The following ZNF496 variants were observed in gnomAD, a reference collection of about 807,000 sequenced individuals.
The protein encoded by ZNF496 is NSD1 (nuclear receptor binding SET-domain containing 1)-interacting zinc finger protein 1.
In ZNF496, 11 loss-of-function variants were observed where a neutral mutation model predicts 58.9. That is an observed-to-expected ratio of 0.19 (90% CI 0.12 to 0.31). ZNF496 has a LOEUF of 0.31. Among genes scored for constraint, ZNF496 ranks in the 10% least tolerant of loss-of-function variants. The pLI is 1.00. For missense variants in ZNF496, 660 were observed against 783.0 expected, an observed-to-expected ratio of 0.84 and a Z score of 1.88; for synonymous variants, 338 against 318.2, an observed-to-expected ratio of 1.06 and a Z score of -0.66.
chr1:247,330,353 T>C (rs914936068), intron 2 of ZNF496, among the ~76,000 whole-genome samples: 1 of 152,130 alleles, frequency 6.6e-6, no homozygotes, highest in Non-Finnish European at 1.5e-5. Context: ...ACCTTCAACC[T>C]CGCCTCCACC....
rs1659196509 is a variant in ZNF496, at chr1:247,300,266, C to T, written c.*253G>A. The T allele has an allele frequency of 1.2e-5, 5 of 405,286 alleles. No homozygotes were observed. The highest frequency in any genetic ancestry group is 2.2e-5 in the Non-Finnish European group (5 of 227,304). The allele number at this position is 405,286 out of a possible 1,614,324, so 25.1% of individuals were successfully genotyped here. Reference sequence around the variant, plus strand: ...TAAGACGCAGAACACCTGGCATGTCCAACCTGGTGATGGCACATCCCCCCC... The same window carrying T: ...TAAGACGCAGAACACCTGGCATGTCTAACCTGGTGATGGCACATCCCCCCC... On this transcript the variant is annotated 3_prime_UTR_variant, in exon 10 of 10. Transcript: ENST00000682384. The surrounding 1 kb of genome is among the most constrained non-coding windows in gnomAD (Gnocchi z 5.7).
chr1:247,310,042 C>A (rs1328960453), intron 7 of ZNF496: 3 of 1,427,716 alleles, frequency 2.1e-6, no homozygotes, highest in Non-Finnish European at 2.7e-6. Flanking sequence ...CATAAAGGGA[C>A]AAAACGGTAA....
rs187881433 is a variant in ZNF496, at chr1:247,309,198, C to A, written c.892+501G>T. 3.1e-3 allele frequency: 551 copies of A among 180,388 alleles called. 6 individuals carry two copies. Among genetic ancestry groups the A allele is most frequent in the Non-Finnish European group, 2.1e-3 (189 of 89,356 alleles). 11.2% of individuals were successfully genotyped at this position (180,388 alleles called of 1,614,324 possible). A position where few individuals can be genotyped will look rare whatever the true frequency, so the allele number is the denominator to read the frequency against. On this transcript the variant is annotated intron_variant, in intron 8 of 9. Coordinates refer to ENST00000682384, the MANE Select transcript of ZNF496 (RefSeq NM_032752.3). The surrounding 1 kb of genome is among the most constrained non-coding windows in gnomAD (Gnocchi z 4.3). ...AGATCATGGGTGCAAGTGCTGGCGA[C>A]ACAGCCTGAAGGAGGGCTGGAAACT...
Position 247,323,226 on chromosome 1 carries a change from C to A in ZNF496, c.579G>T (p.Leu193=). 6.2e-7 allele frequency: 1 copy of A among 1,613,770 alleles called. No individual in the cohort carries two copies. ...PPSQLSGDPV[L]QDAFLLQEEN... ...CTTCCTGAAGAAGGAAAGCATCTTG[C>A]AGAACTGAAAGAGATCAGAAAATGG... The change falls in exon 6 of 10, where the codon CTG becomes CTT. Residue 193 remains leucine, a synonymous_variant. Transcript: ENST00000682384.
At position 247,301,269 on chromosome 1, in the gene ZNF496, G is replaced by A; in HGVS notation, c.1014C>T (p.Gly338=). The A allele has an allele frequency of 1.3e-6, 2 of 1,510,772 alleles. No homozygotes were observed. The highest frequency in any genetic ancestry group is 8.8e-7 in the Non-Finnish European group (1 of 1,132,858). 93.6% of individuals were successfully genotyped at this position (1,510,772 alleles called of 1,614,324 possible). A position where few individuals can be genotyped will look rare whatever the true frequency, so the allele number is the denominator to read the frequency against. Reference sequence around the variant, plus strand: ...GGCTGTTCTCTAGAGATCGCGGGTTGCCGCCAGCTACAGGAAGGCAACATG... The same window carrying A: ...GGCTGTTCTCTAGAGATCGCGGGTTACCGCCAGCTACAGGAAGGCAACATG... ...VVPQNTYPAG[G]NPRSLENSLD... is the part of the protein sequence containing the mutation. The change falls in exon 10 of 10, where the codon GGC becomes GGT. Residue 338 remains glycine (G), a synonymous_variant. Transcript: ENST00000682384.
At chr1:247,321,031 C>T (rs1199302459) in intron 6 of ZNF496, among the ~76,000 whole-genome samples, 1 of 152,112 alleles carries the variant, frequency 6.6e-6, no homozygotes, top group African/African-American at 2.4e-5. Context: ...CAAAAATTAG[C>T]CAAGCGTGGT....
intron 2 of ZNF496, among the ~76,000 whole-genome samples, chr1:247,331,117 G>A (rs564672302): frequency 6.6e-6 from 1 of 152,048 alleles, no homozygotes; most frequent in Non-Finnish European, 1.5e-5. Flanking sequence ...CCGCCCCCCC[G>A]AGCACCGGCG....
At chr1:247,304,134 T>TC (rs147253178) in intron 9 of ZNF496, 108 of 383,812 alleles carry the variant, frequency 2.8e-4, no homozygotes, top group African/African-American at 2.2e-3. Flanking sequence ...GATAGATCTA[T>TC]CTGGCTATGA....
chr1:247,328,244 C>T (rs1470938180), intron 5 of ZNF496, among the ~76,000 whole-genome samples: 3 of 152,178 alleles, frequency 2.0e-5, no homozygotes, highest in Non-Finnish European at 2.9e-5. Flanking sequence ...TACATCTCTT[C>T]GCAGCATCAC....
At position 247,298,265 on chromosome 1, in the gene ZNF496, T is replaced by G. The variant is rs192927022; in HGVS notation, c.*2254A>C. The G allele has an allele frequency of 6.6e-6, 1 of 152,120 alleles. No homozygotes were observed. The highest frequency in any genetic ancestry group is 2.1e-4 in the South Asian group (1 of 4,820). 9.4% of individuals were successfully genotyped at this position (152,120 alleles called of 1,614,324 possible). ...CATTTACTGCTCCTGGGCATGCAGA[T>G]GCATCTACACAGAAACAGCAGTTGT... On this transcript the variant is annotated 3_prime_UTR_variant, in exon 10 of 10. Transcript: ENST00000682384.
In ZNF496 at chr1:247,297,640, TCTCCTGGGTGCAGC is replaced by T. The variant is rs1384458624; in HGVS notation, c.*2865_*2878del. 2.0e-5 allele frequency: 3 copies of T among 152,164 alleles called. No individual in the cohort carries two copies. The highest frequency in any genetic ancestry group is 2.9e-5 in the Non-Finnish European group (2 of 68,082). 9.4% of individuals were successfully genotyped at this position (152,164 alleles called of 1,614,324 possible). On this transcript the variant is annotated 3_prime_UTR_variant, in exon 10 of 10. Transcript: ENST00000682384. ...TCAGTGGCCAAAAGGGAGACAAAGA[TCTCCTGGGTGCAGC>T]CTCCTCCACCACTGTGGTGAAGGGT... is the stretch of plus-strand genomic sequence containing the variant.
At position 247,300,748 on chromosome 1, in the gene ZNF496, G is replaced by A. The variant is rs150513765; in HGVS notation, c.1535C>T (p.Pro512Leu). Residue 512 changes from proline (P) to leucine (L), a missense_variant, in exon 10 of 10, where the codon CCG (proline) becomes CTG (leucine). Transcript: ENST00000682384. The surrounding 1 kb of genome is among the most constrained non-coding windows in gnomAD (Gnocchi z 5.7). ...CAGTTTGGCCTTGCCGTTTTCCAGC[G>A]GCTCTTTGGGACCCTTGTCCGCGTC... ...SEDADKGPKE[P>L]LENGKAKLSF... The A allele has an allele frequency of 1.0e-4, 168 of 1,610,950 alleles. No homozygotes were observed. Among genetic ancestry groups the A allele is most frequent in the Non-Finnish European group, 1.3e-4 (157 of 1,177,762 alleles).
intron 6 of ZNF496, among the ~76,000 whole-genome samples, chr1:247,317,274 C>G (rs1659811408): frequency 6.6e-6 from 1 of 152,098 alleles, no homozygotes; most frequent in Admixed American, 6.5e-5. Flanking sequence ...TGACTTGAAG[C>G]CGAAGGAGCC....
At chr1:247,301,783 C>T (rs1463625665) in intron 9 of ZNF496, among the ~76,000 whole-genome samples, 7 of 152,198 alleles carry the variant, frequency 4.6e-5, no homozygotes, top group Non-Finnish European at 8.8e-5. Context: ...TTCCTATTTG[C>T]TCCTGGACGC....
At chr1:247,302,753 C>G (rs183612401) in intron 9 of ZNF496, among the ~76,000 whole-genome samples, 1 of 152,284 alleles carries the variant, frequency 6.6e-6, no homozygotes, top group East Asian at 1.9e-4. Context: ...GTGAGAATGA[C>G]AGTGGCAGCC....
At chr1:247,318,083 A>G (rs929468357) in intron 6 of ZNF496, among the ~76,000 whole-genome samples, 10 of 152,260 alleles carry the variant, frequency 6.6e-5, no homozygotes, top group African/African-American at 2.4e-4. Flanking sequence ...ACAAACCACA[A>G]TATGAAATAA....
chr1:247,328,650 ATCAC>A (rs771921373), intron 5 of ZNF496, 29 bp downstream of exon 5: 2 of 1,517,974 alleles, frequency 1.3e-6, no homozygotes, highest in Non-Finnish European at 1.8e-6. Flanking sequence ...ACTTCCCCAG[ATCAC>A]CCCTGCTACA....
At chr1:247,314,070 T>G (rs1659696824) in intron 6 of ZNF496, among the ~76,000 whole-genome samples, 1 of 152,174 alleles carries the variant, frequency 6.6e-6, no homozygotes, top group Non-Finnish European at 1.5e-5. Context: ...TTTATCTTTA[T>G]ATTGTTTTAG....
At chr1:247,322,088 C>T (rs1158324614) in intron 6 of ZNF496, among the ~76,000 whole-genome samples, 1 of 152,126 alleles carries the variant, frequency 6.6e-6, no homozygotes, top group Non-Finnish European at 1.5e-5. Context: ...TTGAGACCAG[C>T]CTGGGCAACA....
Sources: allele counts gnomAD v4.1 joint callset (sites outside exome capture counted in the v4.1 genomes callset), GRCh38; gene constraint gnomAD v4.1.1; non-coding constraint Gnocchi (gnomAD v3.1); transcripts MANE v1.5; gene names NCBI Gene and HGNC (gene_info 2026-07-23, HGNC 2026-07-21).